KCNQ1OT1: variants seen among roughly 807,000 people sequenced by gnomAD.
The protein encoded by KCNQ1OT1 is KCNQ1 antisense RNA 2 (non-protein coding).
exon 1 of KCNQ1OT1, chr11:2,694,691 C>T (rs973843604): frequency 2.5e-6 from 1 of 398,644 alleles, no homozygotes; most frequent in Admixed American, 4.4e-5. Context: ...CAGATATGCT[C>T]TCTTGGGGCC....
At chr11:2,628,814 A>G (rs1318817655) in exon 1 of KCNQ1OT1, 3 of 398,296 alleles carry the variant, frequency 7.5e-6, no homozygotes, top group Non-Finnish European at 1.3e-5. Flanking sequence ...TAAGGTTCCA[A>G]TTTAATTTTT....
At chr11:2,697,307 A>G (rs1275495744) in exon 1 of KCNQ1OT1, 3 of 398,494 alleles carry the variant, frequency 7.5e-6, no homozygotes, top group Admixed American at 4.4e-5. Flanking sequence ...ATGTTTGAGA[A>G]TCTTTATGGA....
Position 2,653,125 on chromosome 11 carries a change from A to T in KCNQ1OT1, n.46870T>A. On this transcript the variant is annotated non_coding_transcript_exon_variant, in exon 1 of 1. Coordinates refer to ENST00000597346, the Ensembl canonical transcript of KCNQ1OT1. The surrounding 1 kb of genome is among the most constrained non-coding windows in gnomAD (Gnocchi z 5.3). ...TCACTGAAGGTTTGGGGAGATGAGGACTTGCATCACAGCAGTAGAAAGCCA... is the reference window on the plus strand; with the variant it reads ...TCACTGAAGGTTTGGGGAGATGAGGTCTTGCATCACAGCAGTAGAAAGCCA... 1 of 398,762 alleles carries T rather than the reference A, an allele frequency of 2.5e-6. No individual in the cohort carries two copies. The highest frequency in any genetic ancestry group is 4.4e-6 in the Non-Finnish European group (1 of 226,128). The allele number at this position is 398,762 out of a possible 1,614,324, so 24.7% of individuals were successfully genotyped here.
At chr11:2,618,592 G>T in exon 1 of KCNQ1OT1, 1 of 398,504 alleles carries the variant, frequency 2.5e-6, no homozygotes, top group South Asian at 1.3e-4. Context: ...CATACTGTTT[G>T]ATCAATAGTT....
In KCNQ1OT1 at chr11:2,681,466, C is replaced by G. The variant is rs779360117; in HGVS notation, n.18529G>C. The G allele has an allele frequency of 1.3e-5, 5 of 398,562 alleles. No homozygotes were observed. In the East Asian group the frequency reaches 1.4e-4, roughly 11 times the overall value. 24.7% of individuals were successfully genotyped at this position (398,562 alleles called of 1,614,324 possible). ...TGGGACCAGATAACCTTAATGGCCT[C>G]AGGCTCCCTAGATGAGAAATGGGAC... On this transcript the variant is annotated non_coding_transcript_exon_variant, in exon 1 of 1. Coordinates refer to ENST00000597346, the Ensembl canonical transcript of KCNQ1OT1.
exon 1 of KCNQ1OT1, chr11:2,665,276 C>G (rs1850045882): frequency 2.5e-6 from 1 of 398,396 alleles, no homozygotes; most frequent in African/African-American, 2.1e-5. Context: ...GAGCCTGTGT[C>G]TCCCACCCAG....
In KCNQ1OT1 at chr11:2,652,772, A is replaced by G; in HGVS notation, n.47223T>C. ...GGCTCTGTCACTGCCTGTCTTCCTC[A>G]GCGCCCCCGCTACTCAGACCCCACC... is the stretch of plus-strand genomic sequence containing the variant. On this transcript the variant is annotated non_coding_transcript_exon_variant, in exon 1 of 1. Coordinates refer to ENST00000597346, the Ensembl canonical transcript of KCNQ1OT1. The surrounding 1 kb of genome is among the most constrained non-coding windows in gnomAD (Gnocchi z 5.9). 1 of 399,068 alleles carries G rather than the reference A, an allele frequency of 2.5e-6. No individual in the cohort carries two copies. The highest frequency in any genetic ancestry group is 3.6e-5 in the East Asian group (1 of 28,084). 24.7% of individuals were successfully genotyped at this position (399,068 alleles called of 1,614,324 possible). A position where few individuals can be genotyped will look rare whatever the true frequency, so the allele number is the denominator to read the frequency against.
exon 1 of KCNQ1OT1, chr11:2,609,363 T>G (rs1325369461): frequency 1.5e-5 from 6 of 398,316 alleles, no homozygotes; most frequent in Non-Finnish European, 2.7e-5. Context: ...CTACTTTTAT[T>G]TCATTATATT....
exon 1 of KCNQ1OT1, chr11:2,662,198 C>A: frequency 7.1e-7 from 1 of 1,408,744 alleles, no homozygotes. Flanking sequence ...TCGCCTAGTG[C>A]CCACCACTTG....
exon 1 of KCNQ1OT1, chr11:2,667,637 A>C: frequency 2.5e-6 from 1 of 398,604 alleles, no homozygotes; most frequent in Non-Finnish European, 4.4e-6. Flanking sequence ...TGCTCTGCTG[A>C]TACCTGAAAG....
exon 1 of KCNQ1OT1, chr11:2,644,791 C>T: frequency 2.5e-6 from 1 of 398,568 alleles, no homozygotes; most frequent in Non-Finnish European, 4.4e-6. Flanking sequence ...AGTGTGATCT[C>T]CATGGAATTT....
chr11:2,649,811 CT>C (rs1849729993), exon 1 of KCNQ1OT1: 1 of 398,432 alleles, frequency 2.5e-6, no homozygotes, highest in Admixed American at 4.4e-5. Flanking sequence ...GATTTGTGAG[CT>C]TCCTTTATCT....
At chr11:2,662,409 A>C in exon 1 of KCNQ1OT1, 1 of 443,406 alleles carries the variant, frequency 2.3e-6, no homozygotes, top group Non-Finnish European at 3.9e-6. Flanking sequence ...AAAAGAGACG[A>C]CTTTGTTTTT....
Position 2,658,898 on chromosome 11 carries a change from G to C in KCNQ1OT1, n.41097C>G. 1 of 398,348 alleles carries C rather than the reference G, an allele frequency of 2.5e-6. No individual in the cohort carries two copies. The highest frequency in any genetic ancestry group is 4.4e-5 in the Admixed American group (1 of 22,698). The allele number at this position is 398,348 out of a possible 1,614,324, so 24.7% of individuals were successfully genotyped here. A position where few individuals can be genotyped will look rare whatever the true frequency, so the allele number is the denominator to read the frequency against. On this transcript the variant is annotated non_coding_transcript_exon_variant, in exon 1 of 1. Coordinates refer to ENST00000597346, the Ensembl canonical transcript of KCNQ1OT1. The surrounding 1 kb of genome is among the most constrained non-coding windows in gnomAD (Gnocchi z 4.9). ...TTATTTGTGTAACCCTATTGTACAC[G>C]TAGTACCCTATGTGAAGCAAATTTA...
chr11:2,638,996 T>A (rs1033591575), exon 1 of KCNQ1OT1: 5 of 152,254 alleles, frequency 3.3e-5, no homozygotes, highest in African/African-American at 4.8e-5. Context: ...TTTCTTCCAG[T>A]TGATCAAATC....
rs566897112 is a variant in KCNQ1OT1, at chr11:2,613,652, T to C, written n.86343A>G. The C allele has an allele frequency of 2.5e-6, 1 of 398,618 alleles. No homozygotes were observed. Among genetic ancestry groups the C allele is most frequent in the African/African-American group, 2.1e-5 (1 of 48,758 alleles). The allele number at this position is 398,618 out of a possible 1,614,324, so 24.7% of individuals were successfully genotyped here. On this transcript the variant is annotated non_coding_transcript_exon_variant, in exon 1 of 1. Transcript: ENST00000597346. The surrounding 1 kb of genome is among the most constrained non-coding windows in gnomAD (Gnocchi z 4.8). ...TTTTCAGGGAGTGGTTATATCAAGG[T>C]GCTCATTCCACCACCTCAGAAGTGG...
exon 1 of KCNQ1OT1, chr11:2,650,949 G>A: frequency 2.5e-6 from 1 of 397,734 alleles, no homozygotes. Flanking sequence ...TTTTTTCTTA[G>A]TACCCCTTTC....
rs907023459 is a variant in KCNQ1OT1, at chr11:2,672,228, A to G, written n.27767T>C. ...GTTAAATTGAATTCCTTCCAGTCCA[A>G]AATACTCAAATGCTTTTTTCTGCTT... On this transcript the variant is annotated non_coding_transcript_exon_variant, in exon 1 of 1. Coordinates refer to ENST00000597346, the Ensembl canonical transcript of KCNQ1OT1. The G allele has an allele frequency of 1.4e-4, 57 of 398,476 alleles. No homozygotes were observed. The highest frequency in any genetic ancestry group is 1.8e-4 in the Admixed American group (4 of 22,714). 24.7% of individuals were successfully genotyped at this position (398,476 alleles called of 1,614,324 possible).
rs998681985 is a variant in KCNQ1OT1, at chr11:2,626,649, T to C, written n.73346A>G. 2.3e-5 allele frequency: 9 copies of C among 398,428 alleles called. No individual in the cohort carries two copies. Among genetic ancestry groups the C allele is most frequent in the Non-Finnish European group, 4.4e-6 (1 of 226,070 alleles). The allele number at this position is 398,428 out of a possible 1,614,324, so 24.7% of individuals were successfully genotyped here. On this transcript the variant is annotated non_coding_transcript_exon_variant, in exon 1 of 1. Coordinates refer to ENST00000597346, the Ensembl canonical transcript of KCNQ1OT1. This position sits in a 1 kb window ranked among gnomAD's most constrained non-coding sequence, Gnocchi z 4.0. ...GCTCAAGCAATCCTCCCACCTCGGC[T>C]TCTTGAGTAGCTGGGAATAGAAGTG...
Sources: gnomAD v4.1 joint callset for allele counts on GRCh38, gnomAD v4.1.1 for gene constraint, Gnocchi (gnomAD v3.1) non-coding constraint, MANE v1.5 for transcripts, NCBI Gene and HGNC (gene_info 2026-07-23, HGNC 2026-07-21) for gene names.